The following MPHOSPH9 variants were observed in gnomAD, a reference collection of about 807,000 sequenced individuals.
MPHOSPH9 encodes M-phase phosphoprotein 9.
A neutral mutation model predicts 145.5 loss-of-function variants in MPHOSPH9; 88 were observed. The ratio of observed to expected loss-of-function variants is 0.60; its 90% confidence interval spans 0.51 to 0.72. The LOEUF (loss-of-function observed/expected upper bound fraction) is 0.72, where lower values mean the gene tolerates loss of function less well. Among genes scored for constraint, MPHOSPH9 ranks in the 30% least tolerant of loss-of-function variants. MPHOSPH9 has a pLI of 0.00. For synonymous variants in MPHOSPH9, 435 were observed against 486.2 expected (o/e 0.89, Z 1.39); for missense variants, 1,238 against 1,386.6 (o/e 0.89, Z 1.70).
chr12:123,230,500 A>G lies in MPHOSPH9; in HGVS notation c.-136T>C. 1 of 515,228 alleles carries G rather than the reference A, an allele frequency of 1.9e-6. No individual in the cohort carries two copies. The highest frequency in any genetic ancestry group is 3.4e-6 in the Non-Finnish European group (1 of 293,196). The allele number at this position is 515,228 out of a possible 1,614,324, so 31.9% of individuals were successfully genotyped here. A position where few individuals can be genotyped will look rare whatever the true frequency, so the allele number is the denominator to read the frequency against. On this transcript the variant is annotated 5_prime_UTR_variant, in exon 2 of 24. Coordinates refer to ENST00000606320, the MANE Select transcript of MPHOSPH9 (RefSeq NM_022782.4). ...AGTGGCTAACATTCAGAACTGTGAA[A>G]TATCCTAAACTTCCAAGAGAGTCTG...
intron 16 of MPHOSPH9, among the ~76,000 whole-genome samples, chr12:123,174,824 A>G (rs1239295790): frequency 2.6e-5 from 4 of 152,340 alleles, no homozygotes; most frequent in East Asian, 1.9e-4. Flanking sequence ...AGTTCAACAC[A>G]TGAACTAGGT....
chr12:123,230,421 G>GGAT lies in MPHOSPH9; in HGVS notation c.-58_-57insATC. The GGAT allele has an allele frequency of 2.9e-6, 3 of 1,036,982 alleles. No homozygotes were observed. In the South Asian group the frequency reaches 4.8e-5, roughly 17 times the overall value. 64.2% of individuals were successfully genotyped at this position (1,036,982 alleles called of 1,614,324 possible). ...GAAAATAAAGGTTCTTGGGCTGTTT[G>GGAT]AGAAAAATGAATCCGTGTCATCTTC... On this transcript the variant is annotated 5_prime_UTR_variant, in exon 2 of 24. Coordinates refer to ENST00000606320, the MANE Select transcript of MPHOSPH9 (RefSeq NM_022782.4).
In MPHOSPH9 at chr12:123,230,354, A is replaced by G; in HGVS notation, c.11T>C (p.Phe4Ser). 2.0e-6 allele frequency: 3 copies of G among 1,526,030 alleles called. 1 individual carries two copies. The highest frequency in any genetic ancestry group is 2.4e-5 in the South Asian group (2 of 83,642). The allele number at this position is 1,526,030 out of a possible 1,614,324, so 94.5% of individuals were successfully genotyped here. ...TTTGTGTAAGGTTTTCACCAAGTCA[A>G]ACTCTTCCATAGTGTACAGAAATTG... The part of the protein sequence containing the change: MEE[F>S]DLVKTLHKTS... The change falls in exon 2 of 24, where the codon TTT becomes TCT. Residue 4 changes from phenylalanine to serine, a missense_variant. By Grantham distance (155) the Phe-to-Ser change is radical. Transcript: ENST00000606320.
At chr12:123,181,983 C>T (rs191755192) in intron 13 of MPHOSPH9, among the ~76,000 whole-genome samples, 8 of 151,120 alleles carry the variant, frequency 5.3e-5, no homozygotes, top group Admixed American at 1.3e-4. Context: ...TAGATGGAGT[C>T]GCTCTGTCGC....
intron 20 of MPHOSPH9, 154 bp from the exon 21 acceptor site, chr12:123,162,372 T>C: frequency 2.5e-6 from 1 of 394,694 alleles, no homozygotes; most frequent in Non-Finnish European, 4.5e-6. Flanking sequence ...CTGAAATTTA[T>C]TTCTATTTTC....
intron 13 of MPHOSPH9, among the ~76,000 whole-genome samples, chr12:123,192,628 CAAAAAAAAAAAAAAAAA>C (rs55831766): frequency 8.1e-5 from 4 of 49,374 alleles, no homozygotes; most frequent in Non-Finnish European, 1.1e-4. Context: ...GACACCGTCT[CAAAAAAAAAAAAAAAAA>C]AAAAAAAAAA....
chr12:123,194,324 G>A (rs2045847636), intron 13 of MPHOSPH9, 62 bp downstream of exon 13: 3 of 954,674 alleles, frequency 3.1e-6, no homozygotes, highest in Non-Finnish European at 4.7e-6. Context: ...ACTTGTAAGA[G>A]TATAATACCT....
At chr12:123,233,514 G>C (rs575880594), upstream of MPHOSPH9, 2 of 152,280 alleles carry the variant, frequency 1.3e-5, no homozygotes, top group Non-Finnish European at 2.9e-5. Context: ...GAGGGCACGA[G>C]TCGGGTCCTG....
At chr12:123,153,605 C>T (rs552596701), downstream of MPHOSPH9, among the ~76,000 whole-genome samples, 16 of 151,734 alleles carry the variant, frequency 1.1e-4, no homozygotes, top group South Asian at 2.5e-3. Context: ...CCGTCTCTAC[C>T]GAAAATACAA....
At chr12:123,232,947 C>G (rs975805066) in intron 1 of MPHOSPH9, 128 bp downstream of exon 1, 4 of 152,442 alleles carry the variant, frequency 2.6e-5, no homozygotes, top group African/African-American at 7.2e-5. Flanking sequence ...GGGGTCAGGC[C>G]AATCGGCAGC....
At chr12:123,214,981 C>T (rs1452854051) in intron 6 of MPHOSPH9, 147 bp from the exon 7 acceptor site, 10 of 636,318 alleles carry the variant, frequency 1.6e-5, no homozygotes, top group Middle Eastern at 2.6e-4. Context: ...TGATAGCTCA[C>T]GCCTATGATC....
chr12:123,205,653 C>G (rs2046395503), intron 8 of MPHOSPH9, among the ~76,000 whole-genome samples: 1 of 152,080 alleles, frequency 6.6e-6, no homozygotes, highest in African/African-American at 2.4e-5. Flanking sequence ...TGAAGAGTAG[C>G]ATTACTCCAG....
intron 13 of MPHOSPH9, among the ~76,000 whole-genome samples, chr12:123,193,098 T>A (rs1457860677): frequency 0.014 from 577 of 42,016 alleles, 6 homozygotes; most frequent in African/African-American, 0.032. Context: ...AAAAAAAAAA[T>A]ATATATATAT....
chr12:123,176,063 A>C (rs529903241), intron 16 of MPHOSPH9, among the ~76,000 whole-genome samples: 1 of 152,136 alleles, frequency 6.6e-6, no homozygotes, highest in South Asian at 2.1e-4. Flanking sequence ...GACAATTACA[A>C]CTTGGGTCAC....
rs1398242758 is a variant in MPHOSPH9 at position 123,202,253 on chromosome 12, T to C, written c.1848A>G (p.Ser616=). Residue 616 remains serine, a synonymous_variant, in exon 11 of 24, where the codon TCA becomes TCG. Transcript: ENST00000606320. ...HIADLRAYYE[S]EINSLKQKLE... is the part of the protein sequence containing the mutation. ...GCTTCTGTTTCAAACTATTTATTTC[T>C]GATTCATAATAAGCTCGAAGATCTG... 6.2e-7 allele frequency: 1 copy of C among 1,613,364 alleles called. No homozygotes were observed. Among genetic ancestry groups the C allele is most frequent in the African/African-American group, 1.3e-5 (1 of 74,914 alleles).
Position 123,197,550 on chromosome 12 carries a change from G to A in MPHOSPH9, c.2025+697C>T, listed in dbSNP as rs1011339895. ...TGTAATCCCGGCACTCTGGGAGGCC[G>A]AGGTGGGTGGATCACGAGGTCAGGC... On this transcript the variant is annotated intron_variant, in intron 12 of 23. Transcript: ENST00000606320. Among the ~76,000 whole-genome samples, 12 of 151,988 alleles carry A rather than the reference G, an allele frequency of 7.9e-5. 1 individual carries two copies. The highest frequency in any genetic ancestry group is 2.7e-4 in the African/African-American group (11 of 41,412).
rs778275677 is a variant in MPHOSPH9 at position 123,194,506 on chromosome 12, G to A, written c.2121C>T (p.Asp707=). ...TAGATTTTAGTCGAATGATGGTATT[G>A]TCTTTTTCTTTACTGCTTGTTCTCA... ...EEMRTSSKEK[D]NTIIRLKSRL... Residue 707 remains aspartate, a synonymous_variant, in exon 13 of 24, where the codon GAC becomes GAT. Coordinates refer to ENST00000606320, the MANE Select transcript of MPHOSPH9 (RefSeq NM_022782.4). 41 of 1,612,532 alleles carry A rather than the reference G, an allele frequency of 2.5e-5. No individual in the cohort carries two copies. The South Asian group carries it at 3.0e-4, about 12-fold the overall frequency.
chr12:123,212,415 C>G (rs932695359), intron 7 of MPHOSPH9, among the ~76,000 whole-genome samples: 1 of 152,074 alleles, frequency 6.6e-6, no homozygotes, highest in African/African-American at 2.4e-5. Flanking sequence ...CACAGCCAGG[C>G]GCAATGACTC....
At position 123,156,529 on chromosome 12, in the gene MPHOSPH9, T is replaced by C. The variant is rs190369942; in HGVS notation, c.*278A>G. On this transcript the variant is annotated 3_prime_UTR_variant, in exon 24 of 24. Coordinates refer to ENST00000606320, the MANE Select transcript of MPHOSPH9 (RefSeq NM_022782.4). ...TTGTTTAGAAACAAGCTGCTTCCTC[T>C]GTTTATATTTCCTTATTCTTGATAT... The C allele has an allele frequency of 3.7e-5, 9 of 241,046 alleles. No homozygotes were observed. Among genetic ancestry groups the C allele is most frequent in the Admixed American group, 5.0e-5 (1 of 19,904 alleles). The allele number at this position is 241,046 out of a possible 1,614,324, so 14.9% of individuals were successfully genotyped here.
Sources: allele counts gnomAD v4.1 joint callset (sites outside exome capture counted in the v4.1 genomes callset), GRCh38; gene constraint gnomAD v4.1.1; transcripts MANE v1.5; gene names NCBI Gene and HGNC (gene_info 2026-07-23, HGNC 2026-07-21).